The following WDR49 variants were observed in gnomAD, a reference collection of about 807,000 sequenced individuals.
WDR49 encodes cilia- and flagella-associated protein 337.
A neutral mutation model predicts 119.5 loss-of-function variants in WDR49; 107 were observed. The observed-to-expected ratio is 0.90, with a 90% confidence interval of 0.77 to 1.05. The LOEUF is 1.05. Ranked by LOEUF, WDR49 falls within the 50% of genes least tolerant of loss-of-function variation. WDR49 has a pLI of 0.00. For missense variants in WDR49, 1,240 were observed against 1,220.5 expected, an observed-to-expected ratio of 1.02 and a Z score of -0.24; for synonymous variants, 425 against 418.8, an observed-to-expected ratio of 1.01 and a Z score of -0.18.
rs139773238 is a variant in WDR49 at position 167,527,936 on chromosome 3, T to C, written c.2488A>G (p.Ile830Val). ...GGCTCACACATCTCTAAGGAACTTA[T>C]TCGGTCCTCATGAGGTTGGAATGAT... ...IRSFQPHEDR[I>V]SSLEMCEPGG... Residue 830 changes from isoleucine (I) to valine (V), a missense_variant, in exon 15 of 19, where the codon ATA (isoleucine) becomes GTA (valine). Coordinates refer to ENST00000682715, the MANE Select transcript of WDR49 (RefSeq NM_001366157.1). The C allele has an allele frequency of 2.4e-5, 39 of 1,613,372 alleles. No homozygotes were observed. Among genetic ancestry groups the C allele is most frequent in the Middle Eastern group, 3.3e-4 (2 of 6,052 alleles).
At chr3:167,570,639 T>C (rs1296406647) in intron 8 of WDR49, among the ~76,000 whole-genome samples, 1 of 152,228 alleles carries the variant, frequency 6.6e-6, no homozygotes, top group Non-Finnish European at 1.5e-5. Flanking sequence ...GTACAGATGC[T>C]ATACATGTAT....
intron 10 of WDR49, among the ~76,000 whole-genome samples, chr3:167,544,328 T>A (rs1202106228): frequency 6.6e-6 from 1 of 152,064 alleles, no homozygotes. Context: ...AAAATTCATA[T>A]TGAACCTAAA....
intron 11 of WDR49, among the ~76,000 whole-genome samples, chr3:167,535,745 T>C (rs182807007): frequency 2.6e-5 from 4 of 152,198 alleles, no homozygotes; most frequent in Non-Finnish European, 5.9e-5. Context: ...GGTAAGGAAA[T>C]GAAATCAGCA....
At chr3:167,580,092 C>A (rs1262558299) in intron 7 of WDR49, among the ~76,000 whole-genome samples, 1 of 152,100 alleles carries the variant, frequency 6.6e-6, no homozygotes, top group Non-Finnish European at 1.5e-5. Flanking sequence ...TGAGCCATAA[C>A]CTGTCTAGTC....
chr3:167,481,141 A>G (rs1750704609), intron 18 of WDR49, among the ~76,000 whole-genome samples: 1 of 152,212 alleles, frequency 6.6e-6, no homozygotes, highest in South Asian at 2.1e-4. Context: ...CAGCATGAAC[A>G]CAAACTTATA....
Position 167,620,519 on chromosome 3 carries a change from T to A in WDR49, c.868A>T (p.Thr290Ser). The change falls in exon 5 of 19, where the codon ACC becomes TCC. Residue 290 changes from threonine to serine, a missense_variant. Transcript: ENST00000682715. ...SACEDGEATM[T>S]INWAELLSGC... ...GAGAGCAGCTCTGCCCAGTTAATGG[T>A]CATAGTGGCTTCTCCATCTTCACAT... The A allele has an allele frequency of 6.5e-7, 1 of 1,536,048 alleles. No homozygotes were observed. Among genetic ancestry groups the A allele is most frequent in the South Asian group, 1.2e-5 (1 of 84,042 alleles).
intron 6 of WDR49, 105 bp downstream of exon 6, chr3:167,604,195 TC>T (rs1715920860): frequency 3.1e-6 from 4 of 1,295,170 alleles, no homozygotes; most frequent in Middle Eastern, 2.1e-4. Flanking sequence ...CTCGAGATGG[TC>T]TCTATAGCAA....
intron 2 of WDR49, among the ~76,000 whole-genome samples, chr3:167,645,689 G>A (rs1314912486): frequency 6.6e-6 from 1 of 152,022 alleles, no homozygotes; most frequent in Non-Finnish European, 1.5e-5. Context: ...CCACCTTGAA[G>A]AATTTTGTAA....
At chr3:167,634,836 A>T (rs778646609) in intron 2 of WDR49, among the ~76,000 whole-genome samples, 14 of 151,886 alleles carry the variant, frequency 9.2e-5, no homozygotes, top group Non-Finnish European at 2.1e-4. Context: ...TAAGTTAAAA[A>T]TTAAAATCAT....
intron 6 of WDR49, 54 bp downstream of exon 6, chr3:167,604,247 A>C: frequency 6.3e-7 from 1 of 1,587,612 alleles, no homozygotes; most frequent in Non-Finnish European, 8.6e-7. Context: ...ATACAAATAT[A>C]CATCCCAGAC....
At position 167,498,929 on chromosome 3, in the gene WDR49, A is replaced by C. The variant is rs151234063; in HGVS notation, c.3031+1224T>G. ...GACTGGTTCCGAGGCCTTTCAATCC[A>C]CTTTGTTCAAAGCACTCAACATGCC... On this transcript the variant is annotated intron_variant, in intron 18 of 18. Coordinates refer to ENST00000682715, the MANE Select transcript of WDR49 (RefSeq NM_001366157.1). Among the ~76,000 whole-genome samples the C allele has an allele frequency of 4.3e-4, 66 of 152,196 alleles. 1 individual carries two copies. The East Asian group carries it at 0.012, about 28-fold the overall frequency.
chr3:167,623,448 T>C (rs558412810), intron 3 of WDR49, among the ~76,000 whole-genome samples: 7 of 152,166 alleles, frequency 4.6e-5, no homozygotes, highest in African/African-American at 1.7e-4. Context: ...TATATGGTAA[T>C]CTTAGTAGAT....
At chr3:167,616,911 C>T (rs765883017) in intron 5 of WDR49, among the ~76,000 whole-genome samples, 1 of 152,054 alleles carries the variant, frequency 6.6e-6, no homozygotes, top group Non-Finnish European at 1.5e-5. Flanking sequence ...CCAAGAAGGA[C>T]GTTTTAATTT....
intron 16 of WDR49, among the ~76,000 whole-genome samples, chr3:167,519,391 T>C (rs1032401683): frequency 2.6e-5 from 4 of 152,204 alleles, no homozygotes; most frequent in African/African-American, 7.2e-5. Context: ...TCAACCCAAA[T>C]GCCCATCAAT....
intron 17 of WDR49, among the ~76,000 whole-genome samples, chr3:167,502,880 C>T (rs982648244): frequency 3.3e-5 from 5 of 152,054 alleles, no homozygotes; most frequent in African/African-American, 9.6e-5. Flanking sequence ...GGCAAACAAA[C>T]AAATTTAAAA....
chr3:167,657,540 C>CG (rs1236185632), upstream of WDR49, among the ~76,000 whole-genome samples: 1 of 150,876 alleles, frequency 6.6e-6, no homozygotes, highest in African/African-American at 2.4e-5. Context: ...CTCCTCCCCC[C>CG]CCACAATTTA....
chr3:167,526,736 A>T (rs1752646104), intron 15 of WDR49, among the ~76,000 whole-genome samples: 1 of 152,142 alleles, frequency 6.6e-6, no homozygotes. Context: ...TGCATCCTAA[A>T]GGGGTGCTTA....
intron 10 of WDR49, among the ~76,000 whole-genome samples, chr3:167,537,201 AT>A (rs2108248927): frequency 6.6e-6 from 1 of 152,282 alleles, no homozygotes; most frequent in South Asian, 2.1e-4. Context: ...TAAATTATAA[AT>A]TTTTGACAAT....
rs1330723956 is a variant in WDR49 at position 167,501,160 on chromosome 3, T to G, written c.2885-861A>C. 7.2e-5 allele frequency among the ~76,000 whole-genome samples: 11 copies of G among 152,198 alleles called. No individual in the cohort carries two copies. In the South Asian group the frequency reaches 8.3e-4, roughly 11 times the overall value. ...AATTTACATTTCTAATAAGTTCTAG[T>G]TGATGCTTACGGTGCTAGGCCAGGG... On this transcript the variant is annotated intron_variant, in intron 17 of 18. Transcript: ENST00000682715.
Sources: allele counts gnomAD v4.1 joint callset (sites outside exome capture counted in the v4.1 genomes callset), GRCh38; gene constraint gnomAD v4.1.1; transcripts MANE v1.5; gene names NCBI Gene and HGNC (gene_info 2026-07-23, HGNC 2026-07-21).